MED17: variants seen among roughly 807,000 people sequenced by gnomAD.
MED17 encodes the protein mediator of RNA polymerase II transcription subunit 17.
Under a neutral mutation model 80.8 loss-of-function variants are expected in MED17, and 49 were observed. That is an observed-to-expected ratio of 0.61 (90% CI 0.48 to 0.77). The LOEUF (loss-of-function observed/expected upper bound fraction) is 0.77. Ranked by LOEUF, MED17 falls within the 30% of genes least tolerant of loss-of-function variation. MED17 has a pLI of 0.00. For synonymous variants in MED17, 281 were observed against 280.4 expected (o/e 1.00, Z -0.02); for missense variants, 718 against 787.0 (o/e 0.91, Z 1.05).
At chr11:93,792,668 A>G (rs181973432) in intron 3 of MED17, among the ~76,000 whole-genome samples, 1 of 152,254 alleles carries the variant, frequency 6.6e-6, no homozygotes, top group African/African-American at 2.4e-5. Flanking sequence ...TGGGCTGGGC[A>G]TGGGGGCTCA....
chr11:93,798,156 T>G (rs1432739150), intron 8 of MED17, among the ~76,000 whole-genome samples: 2 of 152,220 alleles, frequency 1.3e-5, no homozygotes, highest in African/African-American at 4.8e-5. Flanking sequence ...AACCCTGTTT[T>G]TACTGATAAG....
Position 93,797,688 on chromosome 11 carries a change from A to G in MED17, c.1297A>G (p.Lys433Glu). Residue 433 changes from lysine (K) to glutamate (E), a missense_variant, in exon 8 of 12, where the codon AAA (lysine) becomes GAA (glutamate). Transcript: ENST00000251871. ...TGAAGGGCTTCTGGAAAAAATAATT[A>G]AACAAGCAAAGCATATTTTTCTAAG... ...SSEGLLEKII[K>E]QAKHIFLRSR... The G allele has an allele frequency of 1.2e-6, 2 of 1,613,386 alleles. No individual in the cohort carries two copies. The highest frequency in any genetic ancestry group is 1.7e-6 in the Non-Finnish European group (2 of 1,179,348).
chr11:93,793,604 G>GT, intron 3 of MED17, 124 bp from the exon 4 acceptor site: 2 of 732,834 alleles, frequency 2.7e-6, no homozygotes, highest in Non-Finnish European at 4.5e-6. Flanking sequence ...CAAAACATAT[G>GT]TTTTTTAGTG....
Position 93,812,453 on chromosome 11 carries a change from T to C in MED17, c.*389T>C. 1 of 399,386 alleles carries C rather than the reference T, an allele frequency of 2.5e-6. No individual in the cohort carries two copies. Among genetic ancestry groups the C allele is most frequent in the South Asian group, 3.8e-5 (1 of 26,544 alleles). The allele number at this position is 399,386 out of a possible 1,614,324, so 24.7% of individuals were successfully genotyped here. Reference sequence around the variant, plus strand: ...CCCAAATACTTTCTAAACTTTTTTTTTTTGAGATGGTATCTCACTCTGTAG... The same window carrying C: ...CCCAAATACTTTCTAAACTTTTTTTCTTTGAGATGGTATCTCACTCTGTAG... On this transcript the variant is annotated 3_prime_UTR_variant, in exon 12 of 12. Coordinates refer to ENST00000251871, the MANE Select transcript of MED17 (RefSeq NM_004268.5).
At chr11:93,798,249 T>C (rs1350702406) in intron 8 of MED17, among the ~76,000 whole-genome samples, 3 of 152,336 alleles carry the variant, frequency 2.0e-5, no homozygotes, top group Middle Eastern at 3.4e-3. Flanking sequence ...CCCAGGTCTA[T>C]GTAACGCCAA....
intron 7 of MED17, 39 bp downstream of exon 7, chr11:93,796,579 A>G: frequency 6.2e-7 from 1 of 1,610,962 alleles, no homozygotes; most frequent in Non-Finnish European, 8.5e-7. Context: ...TGTGGTGAGT[A>G]TGTCCAGGGC....
At chr11:93,795,490 C>T (rs1411555842) in intron 6 of MED17, 2 of 165,124 alleles carry the variant, frequency 1.2e-5, no homozygotes, top group Non-Finnish European at 2.6e-5. Context: ...CACCTGGGGT[C>T]AGGAGTTTGA....
intron 1 of MED17, among the ~76,000 whole-genome samples, chr11:93,787,111 T>C (rs1943778552): frequency 1.3e-5 from 2 of 151,936 alleles, no homozygotes; most frequent in Admixed American, 1.3e-4. Context: ...AGAAAAACCT[T>C]TGAAAGGGTA....
chr11:93,796,199 C>T (rs1299912234), intron 6 of MED17: 1 of 511,230 alleles, frequency 2.0e-6, no homozygotes, highest in Admixed American at 3.0e-5. Context: ...GATCCACCCA[C>T]CTTGGCCTCC....
At chr11:93,796,584 C>T (rs1407587490) in intron 7 of MED17, 44 bp downstream of exon 7, 4 of 1,609,124 alleles carry the variant, frequency 2.5e-6, no homozygotes, top group Middle Eastern at 1.7e-4. Context: ...TGAGTATGTC[C>T]AGGGCAGTGA....
chr11:93,806,527 C>T (rs1455846821), intron 9 of MED17: 1 of 152,104 alleles, frequency 6.6e-6, no homozygotes, highest in Non-Finnish European at 1.5e-5. Context: ...GTATGAGTTT[C>T]TTTATTTGAC....
In MED17 at chr11:93,793,363, C is replaced by T. The variant is rs190237455; in HGVS notation, c.638-365C>T. 1.4e-4 allele frequency: 32 copies of T among 231,056 alleles called. No individual in the cohort carries two copies. In the East Asian group the frequency reaches 2.7e-3, roughly 19 times the overall value. The allele number at this position is 231,056 out of a possible 1,614,324, so 14.3% of individuals were successfully genotyped here. ...AACTCCTGACCTCAGGTGATCCATC[C>T]GCCTCGTCCTCCCAAAGTGCTGGGA... On this transcript the variant is annotated intron_variant, in intron 3 of 11. Transcript: ENST00000251871.
chr11:93,812,151 C>A lies in MED17; in HGVS notation c.*87C>A. 1 of 1,146,256 alleles carries A rather than the reference C, an allele frequency of 8.7e-7. No homozygotes were observed. The highest frequency in any genetic ancestry group is 2.5e-4 in the Middle Eastern group (1 of 3,960). 71.0% of individuals were successfully genotyped at this position (1,146,256 alleles called of 1,614,324 possible). On this transcript the variant is annotated 3_prime_UTR_variant, in exon 12 of 12. Transcript: ENST00000251871. ...AACTATAAGCACAAAGAAGAGATAACTTCCAAAAGAGTGCTGTTTTTAAAA... is the reference window on the plus strand; with the variant it reads ...AACTATAAGCACAAAGAAGAGATAAATTCCAAAAGAGTGCTGTTTTTAAAA...
chr11:93,807,469 A>C lies in MED17; in HGVS notation c.1467-49A>C, dbSNP rs764239836. ...TAACGTTTATTATTTATGAAATTGT[A>C]TAAGATAATTTTGAACATCTCTGAT... is the stretch of plus-strand genomic sequence containing the variant. On this transcript the variant is annotated intron_variant, in intron 9 of 11. Coordinates refer to ENST00000251871, the MANE Select transcript of MED17 (RefSeq NM_004268.5). 6 of 960,074 alleles carry C rather than the reference A, an allele frequency of 6.2e-6. No homozygotes were observed. In the East Asian group the frequency reaches 1.4e-4, roughly 23 times the overall value. 59.5% of individuals were successfully genotyped at this position (960,074 alleles called of 1,614,324 possible).
At chr11:93,805,063 A>G (rs1944010224) in intron 9 of MED17, among the ~76,000 whole-genome samples, 2 of 152,286 alleles carry the variant, frequency 1.3e-5, no homozygotes, top group South Asian at 2.1e-4. Context: ...GACAAGACAC[A>G]TAATGAATAA....
chr11:93,788,321 C>T, intron 2 of MED17, 154 bp downstream of exon 2: 1 of 635,494 alleles, frequency 1.6e-6, no homozygotes, highest in Non-Finnish European at 2.7e-6. Context: ...AGCCATACAA[C>T]TGCATTTCCT....
rs746073674 is a variant in MED17, at chr11:93,784,303, C to G, written c.-211C>G. The G allele has an allele frequency of 2.2e-5, 14 of 648,476 alleles. No individual in the cohort carries two copies. Among genetic ancestry groups the G allele is most frequent in the Non-Finnish European group, 3.1e-5 (12 of 393,000 alleles). 40.2% of individuals were successfully genotyped at this position (648,476 alleles called of 1,614,324 possible). ...GCCCAGTTTTGCTCCGAAAGACTTA[C>G]CGAGGAGGGAGCTTGCGGTGCGTTC... is the stretch of plus-strand genomic sequence containing the variant. On this transcript the variant is annotated 5_prime_UTR_variant, in exon 1 of 12. Coordinates refer to ENST00000251871, the MANE Select transcript of MED17 (RefSeq NM_004268.5).
intron 8 of MED17, 25 bp from the exon 9 acceptor site, chr11:93,801,810 T>C (rs754053176): frequency 8.1e-6 from 13 of 1,609,406 alleles, no homozygotes; most frequent in Non-Finnish European, 1.1e-5. Flanking sequence ...ACTTAAAAAG[T>C]TTTTTAACTT....
chr11:93,804,238 C>G (rs867314451), intron 9 of MED17, among the ~76,000 whole-genome samples: 31 of 151,996 alleles, frequency 2.0e-4, no homozygotes, highest in African/African-American at 6.5e-4. Context: ...GGAGGCTAGG[C>G]CAGTGTCTCT....
Sources: allele counts gnomAD v4.1 joint callset (sites outside exome capture counted in the v4.1 genomes callset), GRCh38; gene constraint gnomAD v4.1.1; transcripts MANE v1.5; gene names NCBI Gene and HGNC (gene_info 2026-07-23, HGNC 2026-07-21).